CNTNAP2: variants seen among roughly 807,000 people sequenced by gnomAD.
CNTNAP2 encodes the protein contactin-associated protein-like 2.
A neutral mutation model predicts 155.2 loss-of-function variants in CNTNAP2; 98 were observed. That is an observed-to-expected ratio of 0.63 (90% CI 0.54 to 0.75). CNTNAP2 has a LOEUF of 0.75. Ranked by LOEUF, CNTNAP2 falls within the 30% of genes least tolerant of loss-of-function variation. The pLI, the probability that CNTNAP2 is intolerant of heterozygous loss-of-function variation, is 0.00. For synonymous variants in CNTNAP2, 651 were observed against 631.2 expected, an observed-to-expected ratio of 1.03 and a Z score of -0.47; for missense variants, 1,727 against 1,688.1, an observed-to-expected ratio of 1.02 and a Z score of -0.40.
chr7:146,730,902 A>G (rs1801513976), intron 1 of CNTNAP2, among the ~76,000 whole-genome samples: 1 of 152,182 alleles, frequency 6.6e-6, no homozygotes, highest in Non-Finnish European at 1.5e-5. Flanking sequence ...TTTATTTTAT[A>G]TGAATGCAAC....
chr7:146,991,014 C>T (rs1327523074), intron 3 of CNTNAP2, among the ~76,000 whole-genome samples: 2 of 152,014 alleles, frequency 1.3e-5, no homozygotes, highest in African/African-American at 4.8e-5. Flanking sequence ...TTTCTTATAT[C>T]CTATAGGCAA....
chr7:148,137,675 A>AGGAAGGAAGGAAGGAAGGAAGGAAGGAT (rs1563211678), intron 16 of CNTNAP2, among the ~76,000 whole-genome samples: 8 of 72,600 alleles, frequency 1.1e-4, no homozygotes, highest in African/African-American at 5.1e-4. Context: ...AAAAAAAGGA[A>AGGAAGGAAGGAAGGAAGGAAGGAAGGAT]GGAAGGAAGG....
chr7:147,859,611 A>G (rs575942764), intron 13 of CNTNAP2, among the ~76,000 whole-genome samples: 7 of 152,278 alleles, frequency 4.6e-5, no homozygotes, highest in Non-Finnish European at 1.5e-5. Context: ...TTCAGATATT[A>G]TCTTGCTATC....
At chr7:146,478,208 C>T (rs1368857439) in intron 1 of CNTNAP2, among the ~76,000 whole-genome samples, 2 of 151,290 alleles carry the variant, frequency 1.3e-5, no homozygotes, top group East Asian at 3.9e-4. Flanking sequence ...GAGAAGAGTA[C>T]AGAATAAATC....
chr7:146,555,700 T>G (rs1270483507), intron 1 of CNTNAP2, among the ~76,000 whole-genome samples: 31 of 151,954 alleles, frequency 2.0e-4, no homozygotes, highest in Admixed American at 2.0e-3. Context: ...CCAAAAAACG[T>G]GTTTGGGTGA....
intron 2 of CNTNAP2, among the ~76,000 whole-genome samples, chr7:146,783,996 G>T (rs1252610880): frequency 6.6e-6 from 1 of 152,082 alleles, no homozygotes; most frequent in African/African-American, 2.4e-5. Context: ...TATCTCCCAT[G>T]GTTTCACTAC....
chr7:147,807,344 A>C (rs1798108214), intron 13 of CNTNAP2, among the ~76,000 whole-genome samples: 2 of 141,826 alleles, frequency 1.4e-5, no homozygotes, highest in Admixed American at 7.1e-5. Context: ...AAAAAAAAAA[A>C]ACGAAAACAA....
intron 1 of CNTNAP2, among the ~76,000 whole-genome samples, chr7:146,151,841 G>A (rs1184613569): frequency 6.7e-6 from 1 of 149,820 alleles, no homozygotes; most frequent in Non-Finnish European, 1.5e-5. Context: ...ACTTAGAATA[G>A]CTATCATCAG....
At chr7:146,296,655 A>G (rs1329883004) in intron 1 of CNTNAP2, among the ~76,000 whole-genome samples, 1 of 152,120 alleles carries the variant, frequency 6.6e-6, no homozygotes, top group Non-Finnish European at 1.5e-5. Context: ...TCCCAGTAAA[A>G]CACACATTTT....
At chr7:147,651,022 G>A (rs775210661) in intron 13 of CNTNAP2, among the ~76,000 whole-genome samples, 21 of 152,096 alleles carry the variant, frequency 1.4e-4, no homozygotes, top group South Asian at 4.1e-4. Context: ...ATATTTGGAG[G>A]AAAGATGAGG....
chr7:147,254,656 C>G (rs1330973967), intron 8 of CNTNAP2, among the ~76,000 whole-genome samples: 1 of 152,042 alleles, frequency 6.6e-6, no homozygotes, highest in Non-Finnish European at 1.5e-5. Flanking sequence ...ATTTGATTCA[C>G]TCGAATAACT....
At chr7:146,539,257 C>T (rs936977175) in intron 1 of CNTNAP2, among the ~76,000 whole-genome samples, 5 of 151,998 alleles carry the variant, frequency 3.3e-5, no homozygotes, top group Non-Finnish European at 7.4e-5. Flanking sequence ...ATGCTTCTTA[C>T]AGCACTTAAG....
chr7:147,974,982 A>T (rs12670244), intron 14 of CNTNAP2, among the ~76,000 whole-genome samples: 1 of 147,146 alleles, frequency 6.8e-6, no homozygotes, highest in Middle Eastern at 3.5e-3. Flanking sequence ...TGTATTATAT[A>T]ATACAAATAC....
chr7:148,339,264 A>T (rs1001590633), intron 21 of CNTNAP2, among the ~76,000 whole-genome samples: 1 of 151,432 alleles, frequency 6.6e-6, no homozygotes, highest in Non-Finnish European at 1.5e-5. Context: ...ATCGAAAAAA[A>T]AAAAAAGACC....
At chr7:147,298,619 C>G (rs1205377538) in intron 8 of CNTNAP2, among the ~76,000 whole-genome samples, 1 of 152,118 alleles carries the variant, frequency 6.6e-6, no homozygotes, top group Non-Finnish European at 1.5e-5. Flanking sequence ...TAGTATAAAC[C>G]AACTAGTAAT....
intron 15 of CNTNAP2, among the ~76,000 whole-genome samples, chr7:148,061,909 A>AGATG: frequency 8.5e-6 from 1 of 117,778 alleles, no homozygotes; most frequent in African/African-American, 3.2e-5. Flanking sequence ...ATAGATAGAT[A>AGATG]GATAAACAGA....
In CNTNAP2 at chr7:146,887,293, C is replaced by T. The variant is rs376404309; in HGVS notation, c.402+47389C>T. Among the ~76,000 whole-genome samples the T allele has an allele frequency of 9.9e-5, 15 of 151,956 alleles. No individual in the cohort carries two copies. The East Asian group carries it at 2.3e-3, about 24-fold the overall frequency. ...CCTCCCGAGTAGCTGGGATTACGGG[C>T]GCCCACCACCACACCCAACTGATTC... On this transcript the variant is annotated intron_variant, in intron 3 of 23. Coordinates refer to ENST00000361727, the MANE Select transcript of CNTNAP2 (RefSeq NM_014141.6).
intron 4 of CNTNAP2, among the ~76,000 whole-genome samples, chr7:147,085,332 G>T (rs1216620975): frequency 6.6e-6 from 1 of 152,118 alleles, no homozygotes; most frequent in African/African-American, 2.4e-5. Context: ...GCATCAGAAG[G>T]TGCCCAGTGG....
intron 1 of CNTNAP2, among the ~76,000 whole-genome samples, chr7:146,624,839 T>A (rs1433226141): frequency 6.6e-6 from 1 of 151,932 alleles, no homozygotes; most frequent in African/African-American, 2.4e-5. Context: ...AAGTATTGAG[T>A]CTTCCAAGTC....
Sources: allele counts gnomAD v4.1 joint callset (sites outside exome capture counted in the v4.1 genomes callset), GRCh38; gene constraint gnomAD v4.1.1; transcripts MANE v1.5; gene names NCBI Gene and HGNC (gene_info 2026-07-23, HGNC 2026-07-21).